The following SPAG7 variants were observed in gnomAD, a reference collection of about 807,000 sequenced individuals.
SPAG7 encodes sperm associated antigen 7, also known as sperm-associated antigen 7.
SPAG7 carries 20 observed loss-of-function variants against 30.6 expected under a neutral mutation model. The ratio of observed to expected loss-of-function variants is 0.65; its 90% CI spans 0.46 to 0.95. SPAG7 has a LOEUF of 0.95. Ranked by LOEUF, SPAG7 falls within the 40% of genes least tolerant of loss-of-function variation. SPAG7 has a pLI of 0.00. For synonymous variants in SPAG7, 127 were observed against 104.2 expected (o/e 1.22, Z -1.33); for missense variants, 276 against 291.1 (o/e 0.95, Z 0.38).
chr17:4,960,869 G>A lies in SPAG7; in HGVS notation c.86-16C>T, dbSNP rs1453630196. On this transcript the variant is annotated splice_polypyrimidine_tract_variant and intron_variant, in intron 1 of 6. Transcript: ENST00000206020. Reference sequence around the variant, plus strand: ...GCGGCCTGTTCTGGGGGTGAGAAATGGCAACATGAAGCCAGGGCTGGAAGC... The same window carrying A: ...GCGGCCTGTTCTGGGGGTGAGAAATAGCAACATGAAGCCAGGGCTGGAAGC... 3.7e-6 allele frequency: 6 copies of A among 1,613,164 alleles called. No homozygotes were observed. Among genetic ancestry groups the A allele is most frequent in the South Asian group, 1.1e-5 (1 of 91,056 alleles).
chr17:4,964,528 A>AT (rs1323397927), intron 1 of SPAG7, among the ~76,000 whole-genome samples: 2 of 150,894 alleles, frequency 1.3e-5, no homozygotes, highest in Non-Finnish European at 1.5e-5. Context: ...CGCCTGGAGA[A>AT]TTTTTTGTAT....
At position 4,960,052 on chromosome 17, in the gene SPAG7, G is replaced by A. The variant is rs769174342; in HGVS notation, c.387C>T (p.Pro129=). 36 of 1,614,050 alleles carry A rather than the reference G, an allele frequency of 2.2e-5. 1 individual carries two copies. In the South Asian group the frequency reaches 3.7e-4, roughly 17 times the overall value. ...DSYRRGEEWD[P]QKAEEKRKLK... ...GCTTCCGCTTCTCCTCAGCCTTCTG[G>A]GGGTCCCATTCCTCTCCACGACGGT... is the stretch of plus-strand genomic sequence containing the variant. Residue 129 remains proline (P), a synonymous_variant, in exon 5 of 7, where the codon CCC becomes CCT. Transcript: ENST00000206020.
chr17:4,960,856 G>A lies in SPAG7; in HGVS notation c.86-3C>T, dbSNP rs958222413. The A allele has an allele frequency of 1.2e-6, 2 of 1,613,758 alleles. No homozygotes were observed. Among genetic ancestry groups the A allele is most frequent in the African/African-American group, 1.3e-5 (1 of 74,906 alleles). ...TTTCTTCAGGCGGGCGGCCTGTTCTGGGGGTGAGAAATGGCAACATGAAGC... is the reference window on the plus strand; with the variant it reads ...TTTCTTCAGGCGGGCGGCCTGTTCTAGGGGTGAGAAATGGCAACATGAAGC... On this transcript the variant is annotated splice_region_variant and splice_polypyrimidine_tract_variant and intron_variant, in intron 1 of 6. Transcript: ENST00000206020.
intron 1 of SPAG7, among the ~76,000 whole-genome samples, chr17:4,964,123 G>A (rs1446383390): frequency 6.6e-6 from 1 of 151,318 alleles, no homozygotes; most frequent in Non-Finnish European, 1.5e-5. Context: ...GAGTCCCCTC[G>A]CCTGGCTAAG....
In SPAG7 at chr17:4,960,776, T is replaced by C; in HGVS notation, c.153+10A>G. ...CTGAGTCTGCCTTTGATCACTCCAG[T>C]TGTTCTCACCCTTTTACGAAACTCC... On this transcript the variant is annotated intron_variant, in intron 2 of 6. Transcript: ENST00000206020. The C allele has an allele frequency of 6.2e-7, 1 of 1,613,066 alleles. No homozygotes were observed. Among genetic ancestry groups the C allele is most frequent in the African/African-American group, 1.3e-5 (1 of 75,016 alleles).
In SPAG7 at chr17:4,959,335, TCA is replaced by T. The variant is rs752274033; in HGVS notation, c.*197_*198del. On this transcript the variant is annotated 3_prime_UTR_variant, in exon 7 of 7. Transcript: ENST00000206020. ...AATACCCACCTGTGCATTCACACTC[TCA>T]CACACACACACACATGCCACGCACA... The T allele has an allele frequency of 1.6e-3, 858 of 543,080 alleles. No individual in the cohort carries two copies. The highest frequency in any genetic ancestry group is 3.4e-3 in the Middle Eastern group (7 of 2,048). 33.6% of individuals were successfully genotyped at this position (543,080 alleles called of 1,614,324 possible).
At chr17:4,967,613 C>T in intron 1 of SPAG7, 107 bp downstream of exon 1, 1 of 839,348 alleles carries the variant, frequency 1.2e-6, no homozygotes, top group Non-Finnish European at 2.0e-6. Context: ...TCGGAAGGGG[C>T]CTGTGAGGGG....
At chr17:4,960,188 AG>A (rs769157562) in intron 4 of SPAG7, 45 bp downstream of exon 4, 1 of 1,602,982 alleles carries the variant, frequency 6.2e-7, no homozygotes. Flanking sequence ...AGGGGGGATA[AG>A]GCTACAAAGG....
At chr17:4,960,615 A>G (rs973343632) in intron 2 of SPAG7, 68 bp from the exon 3 acceptor site, 2 of 1,436,066 alleles carry the variant, frequency 1.4e-6, no homozygotes, top group Non-Finnish European at 1.9e-6. Context: ...TCCCTAGCTG[A>G]GCCTGGGCCC....
chr17:4,965,917 A>C (rs186381804), intron 1 of SPAG7: 304 of 152,194 alleles, frequency 2.0e-3, no homozygotes, highest in African/African-American at 7.0e-3. Flanking sequence ...CAGTGGCGCA[A>C]TCTCGGCTCA....
At chr17:4,966,286 T>C (rs1438112908) in intron 1 of SPAG7, 3 of 152,318 alleles carry the variant, frequency 2.0e-5, no homozygotes, top group Non-Finnish European at 2.9e-5. Flanking sequence ...CCCCACTGAC[T>C]GTTCTTTAAC....
rs1285595968 is a variant in SPAG7, at chr17:4,959,888, GCCT to G, written c.443_445del (p.Glu148del). 6.2e-7 allele frequency: 1 copy of G among 1,613,618 alleles called. No individual in the cohort carries two copies. Among genetic ancestry groups the G allele is most frequent in the Non-Finnish European group, 8.5e-7 (1 of 1,180,004 alleles). Reference sequence around the variant, plus strand: ...CACCACCACAGGCCCCTGCTGGGCTGCCTCCTCCTCTTGCCTCTGGGCCAGCTC... The same window carrying G: ...CACCACCACAGGCCCCTGCTGGGCTGCCTCCTCTTGCCTCTGGGCCAGCTC... On this transcript the variant is annotated inframe_deletion, in exon 6 of 7. Coordinates refer to ENST00000206020, the MANE Select transcript of SPAG7 (RefSeq NM_004890.3).
At chr17:4,960,619 T>A in intron 2 of SPAG7, 72 bp from the exon 3 acceptor site, 1 of 1,415,674 alleles carries the variant, frequency 7.1e-7, no homozygotes. Flanking sequence ...TAGCTGAGCC[T>A]GGGCCCTTCT....
intron 1 of SPAG7, chr17:4,966,411 A>G (rs1179610857): frequency 4.5e-6 from 1 of 222,786 alleles, no homozygotes. Flanking sequence ...CAAACTAACC[A>G]TGTGACCTCA....
At chr17:4,960,747 C>T (rs1597711443) in intron 2 of SPAG7, 39 bp downstream of exon 2, 4 of 1,589,160 alleles carry the variant, frequency 2.5e-6, no homozygotes, top group South Asian at 1.1e-5. Context: ...ATTGGAAGTC[C>T]TTCCTGAGTC....
chr17:4,967,773 G>C lies in SPAG7; in HGVS notation c.32C>G (p.Ser11Cys), dbSNP rs747967498. The stretch of plus-strand genomic sequence containing the variant: ...ACCGAGGCTGGGTGGCTTCTCCATG[G>C]AGCTCAGGATGGAGCCCAGTAGGTC... MADLLGSILS[S>C]MEKPPSLGDQ... is the part of the protein sequence containing the mutation. Residue 11 changes from serine (S) to cysteine (C), a missense_variant, in exon 1 of 7, where the codon TCC (serine) becomes TGC (cysteine). Coordinates refer to ENST00000206020, the MANE Select transcript of SPAG7 (RefSeq NM_004890.3). 53 of 1,613,988 alleles carry C rather than the reference G, an allele frequency of 3.3e-5. No homozygotes were observed. In the Admixed American group the frequency reaches 5.5e-4, roughly 17 times the overall value.
chr17:4,959,692 C>T (rs757963814), intron 6 of SPAG7, 49 bp from the exon 7 acceptor site: 50 of 1,613,230 alleles, frequency 3.1e-5, no homozygotes, highest in Admixed American at 2.3e-4. Flanking sequence ...CGTACCTCAG[C>T]CTCCACTGCC....
chr17:4,959,953 C>T (rs1567675836), intron 5 of SPAG7, 37 bp from the exon 6 acceptor site: 2 of 1,612,830 alleles, frequency 1.2e-6, no homozygotes, highest in Middle Eastern at 1.6e-4. Context: ...GCTCAGGGCC[C>T]CAGCCCAAAC....
intron 1 of SPAG7, chr17:4,967,219 G>A (rs1397892766): frequency 3.0e-6 from 3 of 992,396 alleles, no homozygotes; most frequent in South Asian, 8.5e-5. Context: ...AAGCAGGAGG[G>A]GCAAGAACAC....
Sources: allele counts gnomAD v4.1 joint callset (sites outside exome capture counted in the v4.1 genomes callset), GRCh38; gene constraint gnomAD v4.1.1; transcripts MANE v1.5; gene names NCBI Gene and HGNC (gene_info 2026-07-23, HGNC 2026-07-21).